Variants in TP63 observed in about 807,000 individuals in gnomAD.
The protein encoded by TP63 is tumor protein 63.
In TP63, 17 loss-of-function variants were observed where a neutral mutation model predicts 82.8. The ratio of observed to expected loss-of-function variants is 0.21; its 90% CI spans 0.14 to 0.31. The LOEUF is 0.31. TP63 is among the 10% of genes least tolerant of loss of function. TP63 has a pLI of 1.00. For missense variants in TP63, 648 were observed against 895.3 expected, an observed-to-expected ratio of 0.72 and a Z score of 3.52; for synonymous variants, 330 against 321.7, an observed-to-expected ratio of 1.03 and a Z score of -0.28.
intron 1 of TP63, among the ~76,000 whole-genome samples, chr3:189,729,872 A>G (rs983428131): frequency 2.0e-5 from 3 of 152,218 alleles, no homozygotes; most frequent in Admixed American, 6.5e-5. Flanking sequence ...TAAAAAGGCA[A>G]TACACTAAAA....
At chr3:189,698,836 G>A (rs1359708394) in intron 1 of TP63, among the ~76,000 whole-genome samples, 2 of 152,066 alleles carry the variant, frequency 1.3e-5, no homozygotes, top group African/African-American at 2.4e-5. Flanking sequence ...TTGAAAAATT[G>A]ATATTGCTTT....
chr3:189,610,903 G>C, the TP63 span, among the ~76,000 whole-genome samples: 8 of 152,250 alleles, frequency 5.3e-5, 1 homozygote, highest in Middle Eastern at 6.8e-3. Flanking sequence ...TACATGAATG[G>C]CAGCAGGCAA....
chr3:189,630,484 C>T (rs1468487667), upstream of TP63, among the ~76,000 whole-genome samples: 5 of 152,118 alleles, frequency 3.3e-5, no homozygotes, highest in East Asian at 3.9e-4. Flanking sequence ...GGTTTCCTTT[C>T]GAAGTAGGTC....
At chr3:189,688,442 G>A (rs1577242996) in intron 1 of TP63, among the ~76,000 whole-genome samples, 2 of 152,128 alleles carry the variant, frequency 1.3e-5, no homozygotes, top group South Asian at 4.1e-4. Context: ...TGAAGAGGAT[G>A]CAGTTCACAC....
intron 11 of TP63, 110 bp downstream of exon 11, chr3:189,886,661 C>A: frequency 6.8e-7 from 1 of 1,471,648 alleles, no homozygotes. Context: ...CACAGTGGGA[C>A]AGATCAGATC....
At chr3:189,829,853 C>T (rs894840586) in intron 4 of TP63, 1 of 341,962 alleles carries the variant, frequency 2.9e-6, no homozygotes, top group Non-Finnish European at 5.9e-6. Context: ...TATTTCATTA[C>T]CAGACCAATA....
At chr3:189,874,380 T>C (rs1056737983) in intron 10 of TP63, among the ~76,000 whole-genome samples, 1 of 152,226 alleles carries the variant, frequency 6.6e-6, no homozygotes, top group African/African-American at 2.4e-5. Flanking sequence ...CTTGTTATTA[T>C]GTTTTAATCA....
At chr3:189,889,275 G>T in intron 11 of TP63, 65 bp from the exon 12 acceptor site, 5 of 1,611,014 alleles carry the variant, frequency 3.1e-6, no homozygotes, top group Non-Finnish European at 3.4e-6. Flanking sequence ...AGACAAGATG[G>T]ACCACTGGGA....
At chr3:189,710,464 A>G (rs1718509494) in intron 1 of TP63, among the ~76,000 whole-genome samples, 1 of 151,960 alleles carries the variant, frequency 6.6e-6, no homozygotes, top group Non-Finnish European at 1.5e-5. Flanking sequence ...TAAAATACTT[A>G]ATTTATAATG....
intron 3 of TP63, among the ~76,000 whole-genome samples, chr3:189,759,174 A>G (rs934195975): frequency 2.0e-5 from 3 of 152,244 alleles, no homozygotes; most frequent in African/African-American, 7.2e-5. Context: ...CAGGGCCAGC[A>G]GCATCAGCAT....
chr3:189,818,219 A>G (rs1027448876), intron 4 of TP63, among the ~76,000 whole-genome samples: 1 of 151,954 alleles, frequency 6.6e-6, no homozygotes, highest in South Asian at 2.1e-4. Context: ...TGAAAGAAAA[A>G]TCATGTTTTC....
At chr3:189,733,158 A>G (rs947339595) in intron 1 of TP63, among the ~76,000 whole-genome samples, 2 of 152,206 alleles carry the variant, frequency 1.3e-5, no homozygotes, top group African/African-American at 4.8e-5. Context: ...GGATAAAAGC[A>G]AAACAAAAAA....
intron 3 of TP63, among the ~76,000 whole-genome samples, chr3:189,801,262 A>G (rs1280808512): frequency 6.6e-6 from 1 of 152,164 alleles, no homozygotes; most frequent in Non-Finnish European, 1.5e-5. Flanking sequence ...AGCTATGAAA[A>G]CATATTGATT....
At chr3:189,701,240 G>A (rs1717778646) in intron 1 of TP63, among the ~76,000 whole-genome samples, 2 of 152,120 alleles carry the variant, frequency 1.3e-5, no homozygotes, top group South Asian at 4.2e-4. Context: ...TCCAGTACGT[G>A]CTCCTCAAGA....
In TP63 at chr3:189,894,288, T is replaced by G. The variant is rs753348806; in HGVS notation, c.1829T>G (p.Phe610Cys). 6.2e-7 allele frequency: 1 copy of G among 1,613,910 alleles called. No homozygotes were observed. Among genetic ancestry groups the G allele is most frequent in the Non-Finnish European group, 8.5e-7 (1 of 1,179,968 alleles). The change falls in exon 14 of 14, where the codon TTC becomes TGC. Residue 610 changes from phenylalanine to cysteine, a missense_variant. Physicochemically the swap from Phe to Cys is radical, Grantham distance 205 (BLOSUM62 -2). This residue lies in a region of TP63 where 342 missense variants were observed against 425.7 expected (regional missense o/e 0.80). Coordinates refer to ENST00000264731, the MANE Select transcript of TP63 (RefSeq NM_003722.5). ...CTGGACCACCGGCAGCTCCACGAAT[T>G]CTCCTCCCCTTCTCATCTCCTGCGG... The part of the protein sequence containing the change: ...GILDHRQLHE[F>C]SSPSHLLRTP...
At chr3:189,887,437 C>T (rs1311441969) in intron 11 of TP63, among the ~76,000 whole-genome samples, 1 of 152,090 alleles carries the variant, frequency 6.6e-6, no homozygotes, top group Non-Finnish European at 1.5e-5. Flanking sequence ...AGGAACCTGC[C>T]TTTTATTTCT....
At chr3:189,858,584 G>C (rs950888571) in intron 4 of TP63, among the ~76,000 whole-genome samples, 1 of 152,122 alleles carries the variant, frequency 6.6e-6, no homozygotes, top group African/African-American at 2.4e-5. Context: ...AGACAAGCTT[G>C]GGCAAAATAG....
At chr3:189,608,059 A>G in the TP63 span, among the ~76,000 whole-genome samples, 1 of 152,226 alleles carries the variant, frequency 6.6e-6, no homozygotes, top group Non-Finnish European at 1.5e-5. Flanking sequence ...TTCATAGGTT[A>G]TAAGTTCATT....
At chr3:189,655,372 C>G (rs1294803493) in intron 1 of TP63, among the ~76,000 whole-genome samples, 1 of 152,160 alleles carries the variant, frequency 6.6e-6, no homozygotes, top group African/African-American at 2.4e-5. Context: ...CATCCCTAAT[C>G]TCAGCACTTT....
Sources: gnomAD v4.1 joint callset for allele counts (sites outside exome capture counted in the v4.1 genomes callset) on GRCh38, gnomAD v4.1.1 for gene constraint, gnomAD v4.1.1 regional missense constraint, MANE v1.5 for transcripts, NCBI Gene and HGNC (gene_info 2026-07-23, HGNC 2026-07-21) for gene names.